TECRL: variants seen among roughly 807,000 people sequenced by gnomAD.
TECRL encodes trans-2,3-enoyl-CoA reductase-like.
A neutral mutation model predicts 52.8 loss-of-function variants in TECRL; 63 were observed. The observed-to-expected ratio is 1.19, with a 90% CI of 0.97 to 1.47. The LOEUF (loss-of-function observed/expected upper bound fraction) is 1.47, where lower values mean the gene tolerates loss of function less well. Among genes scored for constraint, TECRL ranks in the 40% most tolerant of loss-of-function variants. The pLI is 0.00. For missense variants in TECRL, 482 were observed against 429.6 expected, an observed-to-expected ratio of 1.12 and a Z score of -1.08; for synonymous variants, 164 against 141.9, an observed-to-expected ratio of 1.16 and a Z score of -1.10.
At position 64,406,816 on chromosome 4, in the gene TECRL, T is replaced by C. The variant is rs10001163; in HGVS notation, c.234+2302A>G. Among the ~76,000 whole-genome samples the C allele has an allele frequency of 9.6e-3, 1,459 of 151,842 alleles. 25 individuals are homozygous for C. The highest frequency in any genetic ancestry group is 0.033 in the African/African-American group (1,373 of 41,432). ...GTACCACTTTACAGCATAGTAAGTA[T>C]TGAAAGACGGGCACTAAGTTATAAG... On this transcript the variant is annotated intron_variant, in intron 1 of 11. Transcript: ENST00000381210.
At chr4:64,346,148 A>G (rs548557897) in intron 2 of TECRL, among the ~76,000 whole-genome samples, 1 of 152,150 alleles carries the variant, frequency 6.6e-6, no homozygotes, top group African/African-American at 2.4e-5. Context: ...TTGTTATGGG[A>G]AAAATACTTT....
intron 8 of TECRL, among the ~76,000 whole-genome samples, chr4:64,296,798 TAA>T (rs1468677708): frequency 1.3e-5 from 2 of 151,862 alleles, no homozygotes; most frequent in Non-Finnish European, 3.0e-5. Flanking sequence ...CATGGAAATA[TAA>T]AGAGACTAAA....
In TECRL at chr4:64,375,177, T is replaced by A; in HGVS notation, c.281A>T (p.Lys94Ile). 5 of 1,377,600 alleles carry A rather than the reference T, an allele frequency of 3.6e-6. No homozygotes were observed. Among genetic ancestry groups the A allele is most frequent in the Non-Finnish European group, 4.8e-6 (5 of 1,038,128 alleles). 85.3% of individuals were successfully genotyped at this position (1,377,600 alleles called of 1,614,324 possible). ...AAATAATATATAAAACTTACATGCTTTGTGAAACTTTTGCTTAACATCATG... is the reference window on the plus strand; with the variant it reads ...AAATAATATATAAAACTTACATGCTATGTGAAACTTTTGCTTAACATCATG... ...TIHDVKQKFH[K>I]ACPKWYPSRV... Residue 94 changes from lysine to isoleucine, a missense_variant, in exon 2 of 12, where the codon AAA becomes ATA. By Grantham distance (102) the Lys-to-Ile change is moderately radical. Coordinates refer to ENST00000381210, the MANE Select transcript of TECRL (RefSeq NM_001010874.5).
chr4:64,293,272 A>G (rs1325377887), intron 8 of TECRL, among the ~76,000 whole-genome samples: 1 of 152,050 alleles, frequency 6.6e-6, no homozygotes, highest in Non-Finnish European at 1.5e-5. Context: ...AGGACCCTCT[A>G]TACTCTCATT....
At chr4:64,280,853 T>G (rs1166842650) in intron 11 of TECRL, among the ~76,000 whole-genome samples, 188 bp downstream of exon 11, 4 of 152,138 alleles carry the variant, frequency 2.6e-5, no homozygotes, top group African/African-American at 9.7e-5. Flanking sequence ...TAAGCAACAA[T>G]TATACAGAGA....
At chr4:64,284,634 A>G (rs1722992537) in intron 9 of TECRL, among the ~76,000 whole-genome samples, 1 of 152,120 alleles carries the variant, frequency 6.6e-6, no homozygotes, top group South Asian at 2.1e-4. Context: ...TTCCAATTAC[A>G]GTACTTAATT....
At chr4:64,343,116 G>C (rs1719706443) in intron 2 of TECRL, among the ~76,000 whole-genome samples, 1 of 152,104 alleles carries the variant, frequency 6.6e-6, no homozygotes, top group South Asian at 2.1e-4. Flanking sequence ...TGATGAAAAT[G>C]TGTGTAAGAA....
At chr4:64,281,402 G>C (rs1047460098) in intron 10 of TECRL, 72 bp downstream of exon 10, 1 of 884,624 alleles carries the variant, frequency 1.1e-6, no homozygotes, top group Non-Finnish European at 1.8e-6. Flanking sequence ...TATAATACAT[G>C]TAAATACATA....
intron 2 of TECRL, among the ~76,000 whole-genome samples, chr4:64,356,361 C>T (rs944146591): frequency 1.3e-5 from 2 of 152,102 alleles, no homozygotes; most frequent in Non-Finnish European, 1.5e-5. Context: ...TAGAGGAAGG[C>T]CACTGTCTCT....
At chr4:64,303,550 T>C (rs1724142245) in intron 7 of TECRL, among the ~76,000 whole-genome samples, 1 of 151,766 alleles carries the variant, frequency 6.6e-6, no homozygotes, top group South Asian at 2.1e-4. Flanking sequence ...CTGAGTAAAT[T>C]TGGAAAATCT....
chr4:64,317,488 A>G lies in TECRL; in HGVS notation c.436-2725T>C, dbSNP rs530677076. ...CTAAAATTGCTATCAGCAGTTAAAA[A>G]AATGTATATTTCAGAATTGTTGAAA... is the stretch of plus-strand genomic sequence containing the variant. On this transcript the variant is annotated intron_variant, in intron 4 of 11. Coordinates refer to ENST00000381210, the MANE Select transcript of TECRL (RefSeq NM_001010874.5). Among the ~76,000 whole-genome samples the G allele has an allele frequency of 1.9e-4, 29 of 152,292 alleles. No individual in the cohort carries two copies. In the South Asian group the frequency reaches 5.6e-3, roughly 29 times the overall value.
intron 2 of TECRL, among the ~76,000 whole-genome samples, chr4:64,372,757 T>G (rs2109665895): frequency 6.6e-6 from 1 of 151,680 alleles, no homozygotes; most frequent in Middle Eastern, 3.4e-3. Flanking sequence ...ACATATTTTT[T>G]TTTTCTTCCC....
chr4:64,391,874 T>C (rs1384850008), intron 1 of TECRL, among the ~76,000 whole-genome samples: 1 of 151,910 alleles, frequency 6.6e-6, no homozygotes, highest in East Asian at 1.9e-4. Flanking sequence ...ACACTGTCTT[T>C]GTTACAGGTT....
intron 7 of TECRL, among the ~76,000 whole-genome samples, chr4:64,303,065 C>T (rs754486554): frequency 2.0e-5 from 3 of 150,940 alleles, no homozygotes; most frequent in Non-Finnish European, 4.4e-5. Flanking sequence ...TTTGTGAGTA[C>T]AGAATTGAAT....
At chr4:64,328,109 A>G (rs1187887074) in intron 3 of TECRL, among the ~76,000 whole-genome samples, 1 of 151,980 alleles carries the variant, frequency 6.6e-6, no homozygotes, top group Non-Finnish European at 1.5e-5. Context: ...TTCTTCTCCA[A>G]ATTCATTAGT....
intron 1 of TECRL, among the ~76,000 whole-genome samples, chr4:64,381,456 T>C (rs1312929677): frequency 6.6e-6 from 1 of 151,948 alleles, no homozygotes; most frequent in Non-Finnish European, 1.5e-5. Flanking sequence ...TATCCTTGTC[T>C]TGTTCCAGTT....
At chr4:64,402,229 C>T (rs1021108229) in intron 1 of TECRL, among the ~76,000 whole-genome samples, 2 of 151,968 alleles carry the variant, frequency 1.3e-5, no homozygotes, top group Non-Finnish European at 2.9e-5. Flanking sequence ...TCCATGTCAT[C>T]TAATTTGGTG....
intron 2 of TECRL, among the ~76,000 whole-genome samples, chr4:64,359,813 C>A (rs143649975): frequency 6.6e-6 from 1 of 151,832 alleles, no homozygotes; most frequent in Non-Finnish European, 1.5e-5. Flanking sequence ...GAGTATCCGA[C>A]GACATTAATA....
At chr4:64,405,833 T>C (rs1414044597) in intron 1 of TECRL, among the ~76,000 whole-genome samples, 3 of 152,148 alleles carry the variant, frequency 2.0e-5, no homozygotes, top group Admixed American at 1.3e-4. Flanking sequence ...TATATTCTCC[T>C]GGAACTCAAA....
Sources: allele counts gnomAD v4.1 joint callset (sites outside exome capture counted in the v4.1 genomes callset), GRCh38; gene constraint gnomAD v4.1.1; transcripts MANE v1.5; gene names NCBI Gene and HGNC (gene_info 2026-07-23, HGNC 2026-07-21).